POMZP3: variants seen among roughly 807,000 people sequenced by gnomAD.
POMZP3 encodes POM121 and ZP3 fusion protein.
POMZP3 carries 10 observed loss-of-function variants against 19.8 expected under a neutral mutation model. That is an observed-to-expected ratio of 0.51 (90% confidence interval 0.31 to 0.86). The LOEUF (loss-of-function observed/expected upper bound fraction) is 0.86, where lower values mean the gene tolerates loss of function less well. POMZP3 is among the 40% of genes least tolerant of loss of function. POMZP3 has a pLI of 0.04. For synonymous variants in POMZP3, 57 were observed against 85.8 expected (o/e 0.66, Z 1.85); for missense variants, 152 against 228.1 (o/e 0.67, Z 2.15).
At chr7:76,621,467 T>TA (rs1223012303) in intron 3 of POMZP3, 1 of 150,294 alleles carries the variant, frequency 6.7e-6, no homozygotes, top group Non-Finnish European at 1.5e-5. Flanking sequence ...TATTTTTTTT[T>TA]AACTTCTACT....
intron 3 of POMZP3, among the ~76,000 whole-genome samples, chr7:76,618,933 G>A (rs1393771372): frequency 6.6e-6 from 1 of 152,140 alleles, no homozygotes. Flanking sequence ...GACTACAAGC[G>A]TGCACCACCA....
intron 4 of POMZP3, among the ~76,000 whole-genome samples, chr7:76,614,858 C>CA (rs59620004): frequency 0.047 from 1,488 of 31,820 alleles, 24 homozygotes; most frequent in African/African-American, 0.06. Flanking sequence ...AGACTCTGTC[C>CA]AAAAAAAAAA....
chr7:76,625,506 C>T lies in POMZP3; in HGVS notation c.227+16G>A. On this transcript the variant is annotated intron_variant, in intron 3 of 6. Transcript: ENST00000310842. ...CCAAGCGGGAAACTGGCTTAGTACTCTCCTGAGCCTGTTACCTTCTTTTAT... is the reference window on the plus strand; with the variant it reads ...CCAAGCGGGAAACTGGCTTAGTACTTTCCTGAGCCTGTTACCTTCTTTTAT... The T allele has an allele frequency of 6.2e-7, 1 of 1,612,154 alleles. No individual in the cohort carries two copies.
At chr7:76,623,991 G>C (rs1387281934) in intron 3 of POMZP3, among the ~76,000 whole-genome samples, 1 of 144,332 alleles carries the variant, frequency 6.9e-6, no homozygotes, top group Non-Finnish European at 1.5e-5. Context: ...CCAGTAAGTA[G>C]GAGAGACGTG....
Position 76,612,879 on chromosome 7 carries a change from C to T in POMZP3, c.346-1066G>A, listed in dbSNP as rs528886769. 8.3e-4 allele frequency among the ~76,000 whole-genome samples: 61 copies of T among 73,076 alleles called. 1 individual carries two copies. The highest frequency in any genetic ancestry group is 4.4e-3 in the African/African-American group (55 of 12,434). 47.9% of individuals were successfully genotyped at this position (73,076 alleles called of 152,430 possible). On this transcript the variant is annotated intron_variant, in intron 4 of 6. Transcript: ENST00000310842. The stretch of plus-strand genomic sequence containing the variant: ...CACATAAAGAAGCCTTTTGGACTTG[C>T]TTCTGTGGAGTTTCCATTTCAGACT...
intron 3 of POMZP3, among the ~76,000 whole-genome samples, chr7:76,625,127 C>G (rs1332807082): frequency 4.5e-5 from 3 of 67,090 alleles, no homozygotes; most frequent in African/African-American, 2.1e-4. Context: ...AGACAGACTC[C>G]AACTCAAAAA....
chr7:76,626,111 C>G lies in POMZP3; in HGVS notation c.-47G>C. The G allele has an allele frequency of 1.2e-6, 2 of 1,613,506 alleles. No homozygotes were observed. Among genetic ancestry groups the G allele is most frequent in the Non-Finnish European group, 1.7e-6 (2 of 1,179,632 alleles). The stretch of plus-strand genomic sequence containing the variant: ...CACAGCCTTCTTGTGATAACCATTC[C>G]AGCACACTGTGGGAAGTACCCCCGG... On this transcript the variant is annotated 5_prime_UTR_variant, in exon 2 of 7. Transcript: ENST00000310842.
chr7:76,626,676 A>C (rs868456281), intron 1 of POMZP3, 32 bp downstream of exon 1: 11 of 1,370,232 alleles, frequency 8.0e-6, no homozygotes, highest in Middle Eastern at 1.9e-4. Context: ...AGCCGAGCCA[A>C]AGGATGATCT....
rs1455325029 is a variant in POMZP3 at position 76,617,090 on chromosome 7, C to T, written c.345+1093G>A. On this transcript the variant is annotated intron_variant, in intron 4 of 6. Coordinates refer to ENST00000310842, the MANE Select transcript of POMZP3 (RefSeq NM_012230.5). ...CAGGAGAATCACTTGAACCTGGGAACCTGGAGTAGCTGGGACTACAGGTGC... is the reference window on the plus strand; with the variant it reads ...CAGGAGAATCACTTGAACCTGGGAATCTGGAGTAGCTGGGACTACAGGTGC... Among the ~76,000 whole-genome samples, 6 of 96,630 alleles carry T rather than the reference C, an allele frequency of 6.2e-5. 1 individual carries two copies. Among genetic ancestry groups the T allele is most frequent in the Admixed American group, 6.0e-4 (6 of 10,000 alleles). The allele number at this position is 96,630 out of a possible 152,430, so 63.4% of individuals were successfully genotyped here.
intron 6 of POMZP3, 126 bp downstream of exon 6, chr7:76,611,328 C>G (rs1815088187): frequency 8.7e-7 from 1 of 1,154,226 alleles, no homozygotes. Flanking sequence ...GGAAAGGTAG[C>G]TGCAGGCCTA....
intron 4 of POMZP3, among the ~76,000 whole-genome samples, chr7:76,614,847 G>A (rs1186470316): frequency 2.7e-5 from 2 of 74,472 alleles, no homozygotes; most frequent in Non-Finnish European, 5.1e-5. Flanking sequence ...GTGACAGAGC[G>A]AGACTCTGTC....
At chr7:76,625,132 C>CAA (rs59816962) in intron 3 of POMZP3, among the ~76,000 whole-genome samples, 22 of 54,362 alleles carry the variant, frequency 4.0e-4, no homozygotes, top group African/African-American at 1.0e-3. Flanking sequence ...GACTCCAACT[C>CAA]AAAAAAAAAA....
chr7:76,625,410 T>C (rs1250562337), intron 3 of POMZP3, 112 bp downstream of exon 3: 8 of 1,555,386 alleles, frequency 5.1e-6, no homozygotes, highest in Non-Finnish European at 7.0e-6. Context: ...GAAGGAGGCC[T>C]ATGAAGGCTC....
At chr7:76,615,973 CAAA>C (rs147207347) in intron 4 of POMZP3, among the ~76,000 whole-genome samples, 2 of 16,910 alleles carry the variant, frequency 1.2e-4, no homozygotes, top group Admixed American at 7.0e-4. Flanking sequence ...GAGACCCTCT[CAAA>C]AAAAAAAAAA....
Position 76,627,263 on chromosome 7 carries a change from C to A in POMZP3, c.-707G>T. 3 of 1,357,626 alleles carry A rather than the reference C, an allele frequency of 2.2e-6. No individual in the cohort carries two copies. The South Asian group carries it at 4.9e-5, about 22-fold the overall frequency. The allele number at this position is 1,357,626 out of a possible 1,614,324, so 84.1% of individuals were successfully genotyped here. On this transcript the variant is annotated 5_prime_UTR_variant, in exon 1 of 7. Coordinates refer to ENST00000310842, the MANE Select transcript of POMZP3 (RefSeq NM_012230.5). ...AGCCGCCGGAGACATCGCGGCTCCG[C>A]GCCGCGGAGGAGACTTAAATATCCC... is the stretch of plus-strand genomic sequence containing the variant.
chr7:76,625,113 A>AT (rs1815801281), intron 3 of POMZP3, among the ~76,000 whole-genome samples: 2 of 117,194 alleles, frequency 1.7e-5, no homozygotes, highest in Admixed American at 1.9e-4. Flanking sequence ...AGCCTGGGGG[A>AT]CAGAGACAGA....
At chr7:76,622,267 T>C (rs1428805745) in intron 3 of POMZP3, among the ~76,000 whole-genome samples, 1 of 151,920 alleles carries the variant, frequency 6.6e-6, no homozygotes, top group East Asian at 1.9e-4. Context: ...TTAATAAACT[T>C]GCGTTCACTT....
At chr7:76,616,839 G>C (rs1410824115) in intron 4 of POMZP3, among the ~76,000 whole-genome samples, 1 of 92,104 alleles carries the variant, frequency 1.1e-5, no homozygotes, top group East Asian at 2.8e-4. Context: ...CTGGACTGCA[G>C]AGCGAGACTC....
rs369030822 is a variant in POMZP3 at position 76,611,480 on chromosome 7, C to T, written c.549G>A (p.Thr183=). 1.7e-5 allele frequency: 27 copies of T among 1,603,308 alleles called. 2 individuals carry two copies. Among genetic ancestry groups the T allele is most frequent in the East Asian group, 6.7e-5 (3 of 44,844 alleles). Residue 183 remains threonine (T), a synonymous_variant, in exon 6 of 7, where the codon ACG becomes ACA. Transcript: ENST00000310842. ...ATGCCTGCGGTTACAGGGAAGCAGA[C>T]GTGGACCACTGGCTCACGACACGAG... is the stretch of plus-strand genomic sequence containing the variant. The part of the protein sequence containing the change: ...RQPRVVSQWS[T]SASL
Sources: allele counts gnomAD v4.1 joint callset (sites outside exome capture counted in the v4.1 genomes callset), GRCh38; gene constraint gnomAD v4.1.1; transcripts MANE v1.5; gene names NCBI Gene and HGNC (gene_info 2026-07-23, HGNC 2026-07-21).